MEI4: variants seen among roughly 807,000 people sequenced by gnomAD.
MEI4 encodes the protein meiosis-specific protein MEI4.
Under a neutral mutation model 31.4 loss-of-function variants are expected in MEI4, and 27 were observed. The ratio of observed to expected loss-of-function variants is 0.86; its 90% CI spans 0.63 to 1.19. MEI4 has a LOEUF of 1.19. Ranked by LOEUF, MEI4 falls within the 50% of genes most tolerant of loss-of-function variation. MEI4 has a pLI of 0.00. For synonymous variants in MEI4, 122 were observed against 145.4 expected, an observed-to-expected ratio of 0.84 and a Z score of 1.16; for missense variants, 329 against 398.9, an observed-to-expected ratio of 0.82 and a Z score of 1.49.
intron 1 of MEI4, among the ~76,000 whole-genome samples, chr6:77,662,705 T>C (rs918807307): frequency 6.6e-6 from 1 of 152,094 alleles, no homozygotes; most frequent in African/African-American, 2.4e-5. Flanking sequence ...GGCTACAGGG[T>C]GTGGTCCTGG....
chr6:77,888,578 C>T (rs1289095278), intron 4 of MEI4, among the ~76,000 whole-genome samples: 1 of 152,102 alleles, frequency 6.6e-6, no homozygotes, highest in Non-Finnish European at 1.5e-5. Context: ...GACTATTTCT[C>T]CTTCACTTTG....
At chr6:77,837,678 A>G (rs1770253977) in intron 4 of MEI4, among the ~76,000 whole-genome samples, 1 of 152,200 alleles carries the variant, frequency 6.6e-6, no homozygotes, top group Admixed American at 6.5e-5. Context: ...TGATCTTTAC[A>G]TAAAATGTTT....
chr6:77,683,781 T>C (rs569132151), intron 1 of MEI4, among the ~76,000 whole-genome samples: 1 of 152,332 alleles, frequency 6.6e-6, no homozygotes, highest in South Asian at 2.1e-4. Context: ...TATCTGTTAA[T>C]CCATTGATGG....
At chr6:77,737,293 G>A (rs552772656) in intron 2 of MEI4, among the ~76,000 whole-genome samples, 1 of 152,326 alleles carries the variant, frequency 6.6e-6, no homozygotes, top group East Asian at 1.9e-4. Flanking sequence ...TTGTTTGGGA[G>A]AGGGAGGAGA....
intron 4 of MEI4, among the ~76,000 whole-genome samples, chr6:77,857,676 T>A (rs1398974783): frequency 6.6e-6 from 1 of 152,292 alleles, no homozygotes; most frequent in East Asian, 1.9e-4. Flanking sequence ...CAGCTGCAAA[T>A]TTTGTTAGGC....
At chr6:77,747,966 G>C (rs77572718) in intron 2 of MEI4, among the ~76,000 whole-genome samples, 3,447 of 152,310 alleles carry the variant, frequency 0.023, 135 homozygotes, top group African/African-American at 0.078. Context: ...GCAGAATCCA[G>C]TGGGGTAGTC....
chr6:77,679,064 A>G (rs1768902401), intron 1 of MEI4, among the ~76,000 whole-genome samples: 1 of 152,260 alleles, frequency 6.6e-6, no homozygotes, highest in African/African-American at 2.4e-5. Context: ...TGTAATTAAA[A>G]AAAAGTCAAA....
intron 3 of MEI4, among the ~76,000 whole-genome samples, chr6:77,810,741 G>A (rs1769557725): frequency 6.6e-6 from 1 of 152,110 alleles, no homozygotes; most frequent in Middle Eastern, 3.2e-3. Flanking sequence ...TACATAAATA[G>A]CCACAAAATA....
At chr6:77,816,453 T>C (rs1173291495) in intron 3 of MEI4, among the ~76,000 whole-genome samples, 2 of 152,160 alleles carry the variant, frequency 1.3e-5, no homozygotes, top group African/African-American at 2.4e-5. Flanking sequence ...ACTTTACTTT[T>C]ATTTTTAAAA....
intron 2 of MEI4, among the ~76,000 whole-genome samples, chr6:77,734,950 T>C (rs1767140351): frequency 6.6e-6 from 1 of 152,004 alleles, no homozygotes; most frequent in South Asian, 2.1e-4. Context: ...TTTAAGAATG[T>C]TGAATATTGG....
At chr6:77,770,673 T>TAAAGAGCTTAG (rs763817271) in intron 3 of MEI4, among the ~76,000 whole-genome samples, 2 of 151,990 alleles carry the variant, frequency 1.3e-5, no homozygotes, top group Non-Finnish European at 2.9e-5. Flanking sequence ...TGGAATAGAA[T>TAAAGAGCTTAG]AAAGAGCTTA....
At chr6:77,742,191 G>A (rs866375295) in intron 2 of MEI4, among the ~76,000 whole-genome samples, 12 of 151,790 alleles carry the variant, frequency 7.9e-5, no homozygotes, top group South Asian at 4.2e-4. Flanking sequence ...CTGAGGAATC[G>A]CCACACTGAC....
intron 2 of MEI4, among the ~76,000 whole-genome samples, chr6:77,750,220 C>T (rs1237609174): frequency 6.6e-6 from 1 of 152,036 alleles, no homozygotes; most frequent in African/African-American, 2.4e-5. Flanking sequence ...AACTAACGGG[C>T]AAAAGAAACA....
chr6:77,702,219 T>G (rs1766242462), intron 2 of MEI4, among the ~76,000 whole-genome samples: 1 of 152,204 alleles, frequency 6.6e-6, no homozygotes, highest in Non-Finnish European at 1.5e-5. Flanking sequence ...CTTCTCACCC[T>G]GTTCCAGACG....
At chr6:77,665,692 C>T (rs573922498) in intron 1 of MEI4, among the ~76,000 whole-genome samples, 45 of 152,256 alleles carry the variant, frequency 3.0e-4, no homozygotes, top group Non-Finnish European at 6.0e-4. Context: ...TGACCGGCGC[C>T]GGAGTTTTGG....
At chr6:77,705,990 G>C (rs983356797) in intron 2 of MEI4, among the ~76,000 whole-genome samples, 6 of 152,064 alleles carry the variant, frequency 3.9e-5, no homozygotes, top group Admixed American at 1.3e-4. Context: ...GTGGTGCTTT[G>C]GTATGCTGAG....
chr6:77,857,507 C>T (rs983217983), intron 4 of MEI4, among the ~76,000 whole-genome samples: 6 of 152,174 alleles, frequency 3.9e-5, no homozygotes, highest in Non-Finnish European at 1.5e-5. Context: ...CACAATTTGT[C>T]ACCTGTTGTC....
intron 2 of MEI4, among the ~76,000 whole-genome samples, chr6:77,735,920 G>A (rs576546098): frequency 2.6e-5 from 4 of 151,396 alleles, no homozygotes; most frequent in East Asian, 3.9e-4. Context: ...GCCCCTGCTG[G>A]GGGATGCCTC....
At chr6:77,839,665 A>G (rs1046051129) in intron 4 of MEI4, among the ~76,000 whole-genome samples, 1 of 152,172 alleles carries the variant, frequency 6.6e-6, no homozygotes. Context: ...CCACTAACAG[A>G]AGGTAGGGCA....
Sources: gnomAD v4.1 joint callset for allele counts (sites outside exome capture counted in the v4.1 genomes callset) on GRCh38, gnomAD v4.1.1 for gene constraint, MANE v1.5 for transcripts, NCBI Gene and HGNC (gene_info 2026-07-23, HGNC 2026-07-21) for gene names.